The following FZD6 variants were observed in gnomAD, a reference collection of about 807,000 sequenced individuals.
FZD6 encodes the protein frizzled-6.
Under a neutral mutation model 61.4 loss-of-function variants are expected in FZD6, and 49 were observed. The ratio of observed to expected loss-of-function variants is 0.80; its 90% CI spans 0.63 to 1.01. The LOEUF (loss-of-function observed/expected upper bound fraction) is 1.01. Ranked by LOEUF, FZD6 falls within the 50% of genes least tolerant of loss-of-function variation. The probability of loss-of-function intolerance (pLI) is 0.00; values close to 1 mark genes in which losing one functional copy is unlikely to be tolerated. For synonymous variants in FZD6, 265 were observed against 292.2 expected (o/e 0.91, Z 0.95); for missense variants, 724 against 848.2 (o/e 0.85, Z 1.82).
At chr8:103,330,177 C>G (rs567452302) in intron 6 of FZD6, 112 bp downstream of exon 6, 1 of 988,792 alleles carries the variant, frequency 1.0e-6, no homozygotes, top group East Asian at 2.6e-5. Flanking sequence ...TGTCTGTACT[C>G]TTACCCCAAG....
Position 103,331,975 on chromosome 8 carries a change from T to C in FZD6, c.*466T>C, listed in dbSNP as rs2130352469. 6.2e-6 allele frequency: 1 copy of C among 160,672 alleles called. No individual in the cohort carries two copies. The highest frequency in any genetic ancestry group is 3.3e-3 in the Middle Eastern group (1 of 306). 10.0% of individuals were successfully genotyped at this position (160,672 alleles called of 1,614,324 possible). ...CTATTCAAGTATTTTTATCATGCTA[T>C]TGTGATATTTTAGCACTTTGGTAGC... On this transcript the variant is annotated 3_prime_UTR_variant, in exon 7 of 7. Transcript: ENST00000358755.
At position 103,300,045 on chromosome 8, in the gene FZD6, T is replaced by G. The variant is rs552528993; in HGVS notation, c.-63T>G. 3.0e-5 allele frequency: 28 copies of G among 945,956 alleles called. No homozygotes were observed. In the African/African-American group the frequency reaches 3.5e-4, roughly 12 times the overall value. The allele number at this position is 945,956 out of a possible 1,614,324, so 58.6% of individuals were successfully genotyped here. ...TGAACATTTTATCTTTGGATGGGGA[T>G]CTTCTGAGGATGCAAAGAGTGATTC... is the stretch of plus-strand genomic sequence containing the variant. On this transcript the variant is annotated 5_prime_UTR_variant, in exon 2 of 7. Coordinates refer to ENST00000358755, the MANE Select transcript of FZD6 (RefSeq NM_003506.4).
At chr8:103,331,052 C>CT (rs1489277987) in intron 6 of FZD6, among the ~76,000 whole-genome samples, 1 of 152,082 alleles carries the variant, frequency 6.6e-6, no homozygotes. Context: ...TGGCACCCAC[C>CT]TGTAGTCCCA....
chr8:103,307,931 C>G, intron 2 of FZD6: 1 of 456,046 alleles, frequency 2.2e-6, no homozygotes, highest in African/African-American at 2.0e-5. Flanking sequence ...GAGGACAACT[C>G]TTGGATGGAA....
At position 103,332,032 on chromosome 8, in the gene FZD6, A is replaced by G. The variant is rs1375132202; in HGVS notation, c.*523A>G. 1 of 155,172 alleles carries G rather than the reference A, an allele frequency of 6.4e-6. No individual in the cohort carries two copies. The highest frequency in any genetic ancestry group is 1.4e-5 in the Non-Finnish European group (1 of 70,082). The allele number at this position is 155,172 out of a possible 1,614,324, so 9.6% of individuals were successfully genotyped here. On this transcript the variant is annotated 3_prime_UTR_variant, in exon 7 of 7. Coordinates refer to ENST00000358755, the MANE Select transcript of FZD6 (RefSeq NM_003506.4). ...ACTGAATTTCTAAGAAAATTGTAAA[A>G]TAGTCTTCTTTTATACTGTAAAAAA...
rs755552434 is a variant in FZD6, at chr8:103,300,170, C to G, written c.63C>G (p.Leu21=). 1 of 1,601,330 alleles carries G rather than the reference C, an allele frequency of 6.2e-7. No homozygotes were observed. Among genetic ancestry groups the G allele is most frequent in the Non-Finnish European group, 8.6e-7 (1 of 1,168,276 alleles). Reference sequence around the variant, plus strand: ...TACCCCTCCTAAGAGGGCACAGTCTCTTCACCTGTGAACCAATTACTGTTC... The same window carrying G: ...TACCCCTCCTAAGAGGGCACAGTCTGTTCACCTGTGAACCAATTACTGTTC... ...IFLPLLRGHS[L]FTCEPITVPR... Residue 21 remains leucine, a synonymous_variant, in exon 2 of 7, where the codon CTC becomes CTG. Transcript: ENST00000358755.
At chr8:103,313,315 AT>A (rs921355106) in intron 2 of FZD6, among the ~76,000 whole-genome samples, 3 of 152,236 alleles carry the variant, frequency 2.0e-5, no homozygotes. Flanking sequence ...AGGAATAAAG[AT>A]ACCTAACTTC....
At position 103,330,002 on chromosome 8, in the gene FZD6, G is replaced by C. The variant is rs757546452; in HGVS notation, c.1889G>C (p.Gly630Ala). ...SPAASISRLSGEQVDGKGQAG... is the reference protein window; with the variant it reads ...SPAASISRLSAEQVDGKGQAG... ...GCAGCATCCATCTCCAGACTCTCTGGGGAACAGGTCGACGGGAAGGGCCAG... is the reference window on the plus strand; with the variant it reads ...GCAGCATCCATCTCCAGACTCTCTGCGGAACAGGTCGACGGGAAGGGCCAG... Residue 630 changes from glycine (G) to alanine (A), a missense_variant, in exon 6 of 7, where the codon GGG becomes GCG. Coordinates refer to ENST00000358755, the MANE Select transcript of FZD6 (RefSeq NM_003506.4). The C allele has an allele frequency of 5.6e-6, 9 of 1,614,032 alleles. No homozygotes were observed. The African/African-American group carries it at 1.1e-4, about 19-fold the overall frequency.
intron 2 of FZD6, among the ~76,000 whole-genome samples, chr8:103,306,326 A>T (rs530272871): frequency 6.6e-6 from 1 of 152,286 alleles, no homozygotes; most frequent in South Asian, 2.1e-4. Flanking sequence ...GAAAATAGGT[A>T]GCAAAATTTG....
intron 2 of FZD6, among the ~76,000 whole-genome samples, chr8:103,312,254 C>T (rs181422344): frequency 3.4e-4 from 52 of 152,170 alleles, no homozygotes; most frequent in Middle Eastern, 6.8e-3. Flanking sequence ...TAATTAATAA[C>T]GCTGTTTTAG....
At chr8:103,306,801 G>A (rs142855596) in intron 2 of FZD6, among the ~76,000 whole-genome samples, 102 of 152,052 alleles carry the variant, frequency 6.7e-4, no homozygotes, top group African/African-American at 2.4e-3. Context: ...CACCGCGCCT[G>A]GCCCCAGGTT....
chr8:103,327,957 C>T (rs941705419), intron 4 of FZD6, among the ~76,000 whole-genome samples: 2 of 151,964 alleles, frequency 1.3e-5, no homozygotes, highest in Middle Eastern at 3.2e-3. Context: ...GGCAAATATT[C>T]TGGCAATTAT....
chr8:103,324,653 C>T lies in FZD6; in HGVS notation c.547C>T (p.Pro183Ser). Residue 183 changes from proline to serine, a missense_variant, in exon 4 of 7, where the codon CCT (proline) becomes TCT (serine). By Grantham distance (74) the Pro-to-Ser change is moderately conservative (BLOSUM62 -1). Coordinates refer to ENST00000358755, the MANE Select transcript of FZD6 (RefSeq NM_003506.4). The part of the protein sequence containing the change: ...YKFLGIDQCA[P>S]PCPNMYFKSD... ...GTTTCTGGGAATTGACCAGTGTGCG[C>T]CTCCATGCCCCAACATGTATTTTAA... 1.2e-6 allele frequency: 2 copies of T among 1,614,090 alleles called. No homozygotes were observed. The highest frequency in any genetic ancestry group is 1.7e-6 in the Non-Finnish European group (2 of 1,179,948).
chr8:103,308,404 A>G (rs1228579588), intron 2 of FZD6, among the ~76,000 whole-genome samples: 1 of 152,154 alleles, frequency 6.6e-6, no homozygotes, highest in Non-Finnish European at 1.5e-5. Flanking sequence ...TTGTTGTACC[A>G]TTAGCTATAG....
At chr8:103,323,062 G>A (rs769133321) in intron 3 of FZD6, among the ~76,000 whole-genome samples, 13 of 152,142 alleles carry the variant, frequency 8.5e-5, no homozygotes, top group Non-Finnish European at 1.3e-4. Context: ...ATTTTAAAAT[G>A]TAAGTTATAG....
rs1269714395 is a variant in FZD6, at chr8:103,329,534, T to A, written c.1542-121T>A. ...ATCCCAGATTTTATAATATAAACCA[T>A]AGAATTTTCAACTTTAGTGACTAAG... On this transcript the variant is annotated intron_variant, in intron 5 of 6. Coordinates refer to ENST00000358755, the MANE Select transcript of FZD6 (RefSeq NM_003506.4). The A allele has an allele frequency of 6.1e-6, 4 of 657,362 alleles. No individual in the cohort carries two copies. The East Asian group carries it at 8.2e-5, about 13-fold the overall frequency. The allele number at this position is 657,362 out of a possible 1,614,324, so 40.7% of individuals were successfully genotyped here.
intron 4 of FZD6, 121 bp from the exon 5 acceptor site, chr8:103,328,147 C>T: frequency 1.3e-6 from 1 of 756,000 alleles, no homozygotes; most frequent in Non-Finnish European, 2.2e-6. Flanking sequence ...TATATTATTT[C>T]AAACCTTTTT....
chr8:103,330,445 T>A (rs1815088410), intron 6 of FZD6, among the ~76,000 whole-genome samples: 1 of 152,218 alleles, frequency 6.6e-6, no homozygotes, highest in Non-Finnish European at 1.5e-5. Context: ...TTTTATTTTC[T>A]GAACATGAAA....
intron 2 of FZD6, among the ~76,000 whole-genome samples, chr8:103,313,972 C>G (rs827546): frequency 0.21 from 32,424 of 152,056 alleles, 3,750 homozygotes; most frequent in Middle Eastern, 0.35. Flanking sequence ...TGAGTAGCAG[C>G]AGCTTCCCAA....
Sources: allele counts gnomAD v4.1 joint callset (sites outside exome capture counted in the v4.1 genomes callset), GRCh38; gene constraint gnomAD v4.1.1; transcripts MANE v1.5; gene names NCBI Gene and HGNC (gene_info 2026-07-23, HGNC 2026-07-21).